Variants in RAD51B observed in about 807,000 individuals in gnomAD.
The protein encoded by RAD51B is DNA repair protein RAD51 homolog 2.
RAD51B carries 38 observed loss-of-function variants against 42.2 expected under a neutral mutation model. That is an observed-to-expected ratio of 0.90 (90% CI 0.70 to 1.18). The LOEUF is 1.18. RAD51B is among the 50% of genes most tolerant of loss of function. The pLI, the probability that RAD51B is intolerant of heterozygous loss-of-function variation, is 0.00. For missense variants in RAD51B, 373 were observed against 400.7 expected (o/e 0.93, Z 0.59); for synonymous variants, 154 against 145.2 (o/e 1.06, Z -0.43).
intron 7 of RAD51B, among the ~76,000 whole-genome samples, chr14:67,907,613 A>G (rs2043819955): frequency 6.6e-6 from 1 of 151,922 alleles, no homozygotes; most frequent in Non-Finnish European, 1.5e-5. Context: ...TTTTAATATT[A>G]TCACTGGGTT....
intron 3 of RAD51B, among the ~76,000 whole-genome samples, chr14:67,826,162 T>C (rs1274935256): frequency 2.0e-5 from 3 of 152,222 alleles, no homozygotes; most frequent in Non-Finnish European, 4.4e-5. Context: ...CATCTTTCTC[T>C]GATTGATTAG....
At chr14:68,470,015 A>G (rs2086081788) in intron 10 of RAD51B, among the ~76,000 whole-genome samples, 1 of 152,242 alleles carries the variant, frequency 6.6e-6, no homozygotes, top group African/African-American at 2.4e-5. Flanking sequence ...AAAGTTATTT[A>G]GAGAAAGTAG....
chr14:68,487,700 G>T (rs1292369052), intron 10 of RAD51B, among the ~76,000 whole-genome samples: 1 of 152,038 alleles, frequency 6.6e-6, no homozygotes, highest in South Asian at 2.1e-4. Flanking sequence ...GTAAAGATGG[G>T]GTTTTGCAAT....
chr14:68,088,473 C>T (rs963500910), intron 7 of RAD51B, among the ~76,000 whole-genome samples: 26 of 152,000 alleles, frequency 1.7e-4, no homozygotes, highest in African/African-American at 6.3e-4. Context: ...TTTTTTCTCC[C>T]TCTTTTTTCA....
chr14:68,480,299 ACTC>A (rs1227190367), downstream of RAD51B, among the ~76,000 whole-genome samples: 2 of 151,446 alleles, frequency 1.3e-5, no homozygotes, highest in African/African-American at 2.4e-5. Flanking sequence ...CTGGTCTCGA[ACTC>A]CTGTCCTCAG....
At chr14:68,535,768 A>G (rs1240390985) in intron 10 of RAD51B, among the ~76,000 whole-genome samples, 2 of 152,228 alleles carry the variant, frequency 1.3e-5, no homozygotes, top group East Asian at 3.8e-4. Context: ...AGCCTGGGAT[A>G]GTACCACTAT....
chr14:68,137,393 C>A (rs1329093669), intron 7 of RAD51B, among the ~76,000 whole-genome samples: 2 of 152,050 alleles, frequency 1.3e-5, no homozygotes, highest in Non-Finnish European at 2.9e-5. Context: ...ATAAAACAAC[C>A]CAAATTTATT....
chr14:68,172,630 C>T (rs1229197906), intron 7 of RAD51B, among the ~76,000 whole-genome samples: 1 of 151,814 alleles, frequency 6.6e-6, no homozygotes, highest in South Asian at 2.1e-4. Flanking sequence ...CTGATATTTC[C>T]CAAACTTCAA....
chr14:68,368,556 C>T (rs1200235729), intron 8 of RAD51B, among the ~76,000 whole-genome samples: 3 of 152,216 alleles, frequency 2.0e-5, no homozygotes, highest in Non-Finnish European at 4.4e-5. Flanking sequence ...ATCTTCCATT[C>T]AACTCCAGAA....
intron 7 of RAD51B, among the ~76,000 whole-genome samples, chr14:68,225,601 T>G (rs1319314172): frequency 6.6e-6 from 1 of 152,234 alleles, no homozygotes; most frequent in Non-Finnish European, 1.5e-5. Context: ...GTCTGCAATT[T>G]GTAATTCATG....
At chr14:68,673,755 A>G (rs546955366) in intron 11 of RAD51B, among the ~76,000 whole-genome samples, 1 of 150,678 alleles carries the variant, frequency 6.6e-6, no homozygotes, top group South Asian at 2.1e-4. Flanking sequence ...GTACACACAT[A>G]TATATACATC....
At chr14:68,650,366 G>A in intron 10 of RAD51B, among the ~76,000 whole-genome samples, 1 of 152,120 alleles carries the variant, frequency 6.6e-6, no homozygotes, top group South Asian at 2.1e-4. Context: ...ACAGAAAATG[G>A]GACATTAATG....
intron 7 of RAD51B, among the ~76,000 whole-genome samples, chr14:68,274,156 A>G (rs760003567): frequency 3.9e-5 from 6 of 151,958 alleles, no homozygotes; most frequent in Non-Finnish European, 8.8e-5. Context: ...ACATTATCTC[A>G]TGTTTTCTAT....
chr14:68,209,141 C>T (rs725453), intron 7 of RAD51B, among the ~76,000 whole-genome samples: 23,889 of 152,092 alleles, frequency 0.16, 1,998 homozygotes, highest in Middle Eastern at 0.35. Context: ...TGAAGACTTG[C>T]AACTCAAAAT....
chr14:67,871,678 A>G (rs1373730391), intron 5 of RAD51B, among the ~76,000 whole-genome samples: 2 of 152,164 alleles, frequency 1.3e-5, no homozygotes, highest in African/African-American at 4.8e-5. Flanking sequence ...CATTGATGCA[A>G]AAATCCTCAA....
At chr14:68,602,514 A>ATAGC (rs202147813) in intron 10 of RAD51B, among the ~76,000 whole-genome samples, 150 of 108,816 alleles carry the variant, frequency 1.4e-3, no homozygotes, top group South Asian at 2.6e-3. Context: ...AGCTAGATAG[A>ATAGC]TAGCTAGCTA....
chr14:67,825,251 A>G (rs2040786184), intron 2 of RAD51B, among the ~76,000 whole-genome samples: 1 of 152,206 alleles, frequency 6.6e-6, no homozygotes, highest in Non-Finnish European at 1.5e-5. Flanking sequence ...GTATATGCCA[A>G]CTAAACAGGA....
intron 7 of RAD51B, among the ~76,000 whole-genome samples, chr14:68,116,186 C>T (rs2077544668): frequency 6.6e-6 from 1 of 151,886 alleles, no homozygotes; most frequent in African/African-American, 2.4e-5. Context: ...ATTGGAGAGT[C>T]AGCATGAGAT....
chr14:67,829,455 G>A (rs2040954861), intron 3 of RAD51B, among the ~76,000 whole-genome samples: 1 of 152,002 alleles, frequency 6.6e-6, no homozygotes, highest in Non-Finnish European at 1.5e-5. Context: ...TGTTAGCCAG[G>A]ATGGTCTCGA....
Sources: gnomAD v4.1 joint callset for allele counts (sites outside exome capture counted in the v4.1 genomes callset) on GRCh38, gnomAD v4.1.1 for gene constraint, MANE v1.5 for transcripts, NCBI Gene and HGNC (gene_info 2026-07-23, HGNC 2026-07-21) for gene names.